PPARGC1A: variants seen among roughly 807,000 people sequenced by gnomAD.
The protein encoded by PPARGC1A is PPARG coactivator 1 alpha.
In PPARGC1A, 25 loss-of-function variants were observed where a neutral mutation model predicts 88.7. The observed-to-expected ratio is 0.28, with a 90% CI of 0.21 to 0.39. The LOEUF (loss-of-function observed/expected upper bound fraction) is 0.39, where lower values mean the gene tolerates loss of function less well. Among genes scored for constraint, PPARGC1A ranks in the 10% least tolerant of loss-of-function variants. PPARGC1A has a pLI of 1.00. For missense variants in PPARGC1A, 880 were observed against 968.7 expected (o/e 0.91, Z 1.22); for synonymous variants, 363 against 355.6 (o/e 1.02, Z -0.24).
the PPARGC1A span, among the ~76,000 whole-genome samples, chr4:23,979,486 A>AT: frequency 2.0e-5 from 3 of 152,128 alleles, no homozygotes; most frequent in Non-Finnish European, 4.4e-5. Flanking sequence ...TCGGCTTACA[A>AT]TTTGGGGGAT....
chr4:24,439,582 T>C, the PPARGC1A span, among the ~76,000 whole-genome samples: 618 of 152,292 alleles, frequency 4.1e-3, 8 homozygotes, highest in African/African-American at 0.014. Flanking sequence ...CTAGGGACTA[T>C]ATGGCCACCA....
At chr4:24,430,587 G>A in the PPARGC1A span, among the ~76,000 whole-genome samples, 1 of 151,988 alleles carries the variant, frequency 6.6e-6, no homozygotes, top group African/African-American at 2.4e-5. Flanking sequence ...ATGATCTCAT[G>A]AGCAACAAAT....
chr4:24,010,268 C>T, the PPARGC1A span, among the ~76,000 whole-genome samples: 1 of 152,154 alleles, frequency 6.6e-6, no homozygotes, highest in East Asian at 1.9e-4. Flanking sequence ...CAATAAACTA[C>T]TTATTCCAGT....
chr4:24,459,899 C>A, the PPARGC1A span, among the ~76,000 whole-genome samples: 1 of 152,210 alleles, frequency 6.6e-6, no homozygotes, highest in Non-Finnish European at 1.5e-5. Context: ...TTTTCCGAAG[C>A]CTTCTTAAAT....
At chr4:24,121,565 C>T in the PPARGC1A span, among the ~76,000 whole-genome samples, 4 of 152,070 alleles carry the variant, frequency 2.6e-5, no homozygotes, top group African/African-American at 4.8e-5. Context: ...CCACTCCTGC[C>T]GGTTCTAGGC....
At chr4:24,361,470 A>T in the PPARGC1A span, among the ~76,000 whole-genome samples, 60 of 152,234 alleles carry the variant, frequency 3.9e-4, 3 homozygotes, top group East Asian at 9.7e-3. Context: ...AGGGAGGCTG[A>T]TTCACTCTCT....
chr4:24,329,715 C>T, the PPARGC1A span, among the ~76,000 whole-genome samples: 1 of 152,174 alleles, frequency 6.6e-6, no homozygotes, highest in Non-Finnish European at 1.5e-5. Flanking sequence ...TAAAATTGTG[C>T]TCCCCCACTG....
At chr4:23,812,596 G>T in intron 10 of PPARGC1A, 151 bp downstream of exon 10, 1 of 1,186,128 alleles carries the variant, frequency 8.4e-7, no homozygotes, top group South Asian at 1.6e-5. Context: ...GGGGACCGAA[G>T]ACTTATGGAT....
chr4:24,449,170 A>G, the PPARGC1A span, among the ~76,000 whole-genome samples: 1 of 152,004 alleles, frequency 6.6e-6, no homozygotes, highest in South Asian at 2.1e-4. Context: ...CTAACCAATC[A>G]ACGACCCCAA....
chr4:24,301,599 C>T, the PPARGC1A span, among the ~76,000 whole-genome samples: 3 of 141,418 alleles, frequency 2.1e-5, no homozygotes, highest in South Asian at 6.8e-4. Context: ...AATGCACCCC[C>T]ACACCTATTG....
At chr4:24,278,259 T>C in the PPARGC1A span, among the ~76,000 whole-genome samples, 3 of 152,158 alleles carry the variant, frequency 2.0e-5, no homozygotes, top group African/African-American at 7.2e-5. Context: ...TGAGATTAAA[T>C]TAGATATACT....
At chr4:24,184,542 CT>C in the PPARGC1A span, among the ~76,000 whole-genome samples, 1 of 152,184 alleles carries the variant, frequency 6.6e-6, no homozygotes, top group Admixed American at 6.5e-5. Context: ...CAGGCAGGAC[CT>C]AGTTGAAGGC....
chr4:24,440,825 A>C, the PPARGC1A span, among the ~76,000 whole-genome samples: 33 of 152,108 alleles, frequency 2.2e-4, no homozygotes, highest in South Asian at 2.1e-4. Flanking sequence ...AACAAACAAA[A>C]AAAAACAACT....
chr4:23,910,144 A>T, the PPARGC1A span, among the ~76,000 whole-genome samples: 8 of 125,952 alleles, frequency 6.4e-5, no homozygotes, highest in African/African-American at 8.9e-5. Flanking sequence ...ATATATATCT[A>T]TATTATATAT....
chr4:24,260,430 T>C, the PPARGC1A span, among the ~76,000 whole-genome samples: 1 of 152,232 alleles, frequency 6.6e-6, no homozygotes, highest in Non-Finnish European at 1.5e-5. Context: ...TGCACATTAA[T>C]AAAACTCACA....
the PPARGC1A span, among the ~76,000 whole-genome samples, chr4:24,123,910 C>CAAAAAAAA: frequency 4.9e-4 from 61 of 123,388 alleles, no homozygotes; most frequent in Non-Finnish European, 7.7e-4. Flanking sequence ...TCTAAGTTGG[C>CAAAAAAAA]AAAAAAAAAA....
chr4:23,827,561 A>G (rs1724183516), intron 5 of PPARGC1A, among the ~76,000 whole-genome samples: 1 of 152,190 alleles, frequency 6.6e-6, no homozygotes, highest in Non-Finnish European at 1.5e-5. Flanking sequence ...TTCTAAGACC[A>G]CGACATTTTG....
At chr4:24,198,729 A>G in the PPARGC1A span, among the ~76,000 whole-genome samples, 1 of 152,110 alleles carries the variant, frequency 6.6e-6, no homozygotes, top group African/African-American at 2.4e-5. Context: ...GAATAAGGGA[A>G]TGGGGAAGGG....
the PPARGC1A span, among the ~76,000 whole-genome samples, chr4:24,109,837 G>A: frequency 3.9e-5 from 6 of 152,272 alleles, no homozygotes; most frequent in South Asian, 6.2e-4. Flanking sequence ...AATGCGTTCC[G>A]TGGTCTACCT....
Sources: allele counts gnomAD v4.1 joint callset (sites outside exome capture counted in the v4.1 genomes callset), GRCh38; gene constraint gnomAD v4.1.1; transcripts MANE v1.5; gene names NCBI Gene and HGNC (gene_info 2026-07-23, HGNC 2026-07-21).